KCNT2: variants seen among roughly 807,000 people sequenced by gnomAD.
The protein encoded by KCNT2 is potassium channel subfamily T member 2.
A neutral mutation model predicts 153.8 loss-of-function variants in KCNT2; 67 were observed. That is an observed-to-expected ratio of 0.44 (90% CI 0.36 to 0.53). KCNT2 has a LOEUF of 0.53. KCNT2 is among the 20% of genes least tolerant of loss of function. The probability of loss-of-function intolerance (pLI) is 0.00; values close to 1 mark genes in which losing one functional copy is unlikely to be tolerated. For missense variants in KCNT2, 975 were observed against 1,354.8 expected, an observed-to-expected ratio of 0.72 and a Z score of 4.40; for synonymous variants, 500 against 458.8, an observed-to-expected ratio of 1.09 and a Z score of -1.15.
intron 22 of KCNT2, among the ~76,000 whole-genome samples, chr1:196,293,757 T>C (rs1660411474): frequency 6.6e-6 from 1 of 151,544 alleles, no homozygotes; most frequent in Non-Finnish European, 1.5e-5. Flanking sequence ...TCCACAACAT[T>C]GCTCTGGGCA....
rs544447152 is a variant in KCNT2, at chr1:196,228,290, C to T, written c.3342G>A (p.Glu1114=). ...TGCAGATGCTGTTTCTTCGACTGGG[C>T]TCACTGTTTGGAAGGTAGGCCAGTG... ...PDPLAYLPNS[E]PSRRNSICNV... is the part of the protein sequence containing the mutation. The change falls in exon 28 of 28, where the codon GAG becomes GAA. Residue 1114 remains glutamate (E), a synonymous_variant. Coordinates refer to ENST00000294725, the MANE Select transcript of KCNT2 (RefSeq NM_198503.5). The T allele has an allele frequency of 6.7e-5, 108 of 1,611,152 alleles. No individual in the cohort carries two copies. The South Asian group carries it at 1.0e-3, about 16-fold the overall frequency.
intron 8 of KCNT2, among the ~76,000 whole-genome samples, chr1:196,453,750 C>T (rs147619051): frequency 2.0e-5 from 3 of 151,950 alleles, no homozygotes; most frequent in Non-Finnish European, 4.4e-5. Context: ...ATTTACCTCC[C>T]TATCTTTCCC....
intron 1 of KCNT2, among the ~76,000 whole-genome samples, chr1:196,510,450 A>T (rs1681521110): frequency 6.6e-6 from 1 of 152,066 alleles, no homozygotes; most frequent in South Asian, 2.1e-4. Flanking sequence ...ATACACATCA[A>T]ATTTACTTTA....
At chr1:196,485,746 G>A (rs1039588232) in intron 3 of KCNT2, among the ~76,000 whole-genome samples, 2 of 151,532 alleles carry the variant, frequency 1.3e-5, no homozygotes, top group African/African-American at 4.8e-5. Flanking sequence ...ATACATAGAA[G>A]GAAATGTATA....
intron 1 of KCNT2, among the ~76,000 whole-genome samples, chr1:196,563,416 G>A (rs544890156): frequency 8.0e-5 from 11 of 136,988 alleles, no homozygotes; most frequent in South Asian, 4.6e-4. Flanking sequence ...GGTATTCATC[G>A]TTATCATTTT....
intron 19 of KCNT2, among the ~76,000 whole-genome samples, chr1:196,323,691 T>G (rs1200892608): frequency 6.6e-6 from 1 of 151,976 alleles, no homozygotes; most frequent in Non-Finnish European, 1.5e-5. Flanking sequence ...TTATTACATC[T>G]GCTATTATTT....
In KCNT2 at chr1:196,340,439, G is replaced by A. The variant is rs2148152302; in HGVS notation, c.1685C>T (p.Ala562Val). 1 of 1,612,376 alleles carries A rather than the reference G, an allele frequency of 6.2e-7. No individual in the cohort carries two copies. The highest frequency in any genetic ancestry group is 1.3e-5 in the African/African-American group (1 of 74,906). The change falls in exon 16 of 28, where the codon GCA (alanine) becomes GTA (valine). Residue 562 changes from alanine (A) to valine (V), a missense_variant. Around this residue, in one of 6 missense-constraint regions of KCNT2, gnomAD observed 325 missense variants for 388.1 expected, o/e 0.84. Transcript: ENST00000294725. ...YINITKEENS[A>V]FKNQDQQRKS... is the part of the protein sequence containing the mutation. ...TCTCTGCTGGTCTTGGTTTTTAAAT[G>A]CTGAATTCTCTTCTTTGGTAATATT...
chr1:196,446,063 A>T (rs1343538346), intron 8 of KCNT2, among the ~76,000 whole-genome samples: 3 of 151,432 alleles, frequency 2.0e-5, no homozygotes, highest in Non-Finnish European at 4.4e-5. Context: ...TGCTCTTATG[A>T]CTTTAATTTT....
chr1:196,260,908 C>T (rs1214333935), intron 25 of KCNT2, among the ~76,000 whole-genome samples: 1 of 151,758 alleles, frequency 6.6e-6, no homozygotes. Flanking sequence ...CATCTGTCAA[C>T]TGTAAACTTT....
intron 26 of KCNT2, among the ~76,000 whole-genome samples, chr1:196,256,709 A>AATATATATATATATAT (rs144323772): frequency 2.9e-4 from 42 of 144,176 alleles, no homozygotes; most frequent in African/African-American, 1.0e-3. Context: ...TTATCATGGA[A>AATATATATATATATAT]ATATATATAT....
chr1:196,566,458 T>C (rs1460908086), intron 1 of KCNT2, among the ~76,000 whole-genome samples: 1 of 152,096 alleles, frequency 6.6e-6, no homozygotes, highest in African/African-American at 2.4e-5. Flanking sequence ...TATTCAAAGA[T>C]ATGTTTATGA....
chr1:196,263,497 G>A (rs1319255416), intron 25 of KCNT2, among the ~76,000 whole-genome samples: 1 of 152,000 alleles, frequency 6.6e-6, no homozygotes, highest in Non-Finnish European at 1.5e-5. Flanking sequence ...AGGGTGGGGG[G>A]CTAGGGGAGG....
At chr1:196,424,505 A>G (rs1673479725) in intron 11 of KCNT2, among the ~76,000 whole-genome samples, 1 of 151,978 alleles carries the variant, frequency 6.6e-6, no homozygotes, top group Non-Finnish European at 1.5e-5. Flanking sequence ...ACCTAAAGCC[A>G]GGGTTTACCT....
chr1:196,522,419 A>G (rs1187914551), intron 1 of KCNT2, among the ~76,000 whole-genome samples: 2 of 152,226 alleles, frequency 1.3e-5, no homozygotes, highest in Non-Finnish European at 2.9e-5. Flanking sequence ...TTCTAATACA[A>G]ATAGTAAAAT....
chr1:196,601,576 A>G (rs10754196), intron 1 of KCNT2, among the ~76,000 whole-genome samples: 45,521 of 152,020 alleles, frequency 0.3, 7,028 homozygotes, highest in Admixed American at 0.39. Context: ...TATATCCACA[A>G]CTGTCAGAAG....
chr1:196,341,321 T>A (rs1217168677), intron 15 of KCNT2, among the ~76,000 whole-genome samples: 2 of 152,030 alleles, frequency 1.3e-5, no homozygotes, highest in East Asian at 3.8e-4. Context: ...TGTAATTTAT[T>A]GAATATTCTA....
chr1:196,362,257 T>G (rs980294013), intron 14 of KCNT2, among the ~76,000 whole-genome samples: 1 of 152,110 alleles, frequency 6.6e-6, no homozygotes, highest in Non-Finnish European at 1.5e-5. Context: ...GGAAACAAAG[T>G]CTTCCTGTCT....
chr1:196,287,667 C>T (rs1384198142), intron 22 of KCNT2, among the ~76,000 whole-genome samples: 1 of 152,050 alleles, frequency 6.6e-6, no homozygotes, highest in African/African-American at 2.4e-5. Flanking sequence ...AGTCCCCAAA[C>T]ACCAATGTAT....
At chr1:196,251,777 A>G (rs1249150121) in intron 26 of KCNT2, among the ~76,000 whole-genome samples, 1 of 152,008 alleles carries the variant, frequency 6.6e-6, no homozygotes, top group Non-Finnish European at 1.5e-5. Flanking sequence ...ACACAAAGAA[A>G]TAATATATGC....
Sources: gnomAD v4.1 joint callset for allele counts (sites outside exome capture counted in the v4.1 genomes callset) on GRCh38, gnomAD v4.1.1 for gene constraint, gnomAD v4.1.1 regional missense constraint, MANE v1.5 for transcripts, NCBI Gene and HGNC (gene_info 2026-07-23, HGNC 2026-07-21) for gene names.